TTLL5: variants seen among roughly 807,000 people sequenced by gnomAD.
TTLL5 encodes the protein tubulin polyglutamylase TTLL5.
In TTLL5, 132 loss-of-function variants were observed where a neutral mutation model predicts 168.4. That is an observed-to-expected ratio of 0.78 (90% CI 0.68 to 0.91). The LOEUF (loss-of-function observed/expected upper bound fraction) is 0.91. TTLL5 is among the 40% of genes least tolerant of loss of function. TTLL5 has a pLI of 0.00. For missense variants in TTLL5, 1,545 were observed against 1,581.5 expected (o/e 0.98, Z 0.39); for synonymous variants, 546 against 558.6 (o/e 0.98, Z 0.32).
At chr14:75,843,122 AGG>A (rs1256384355) in intron 28 of TTLL5, among the ~76,000 whole-genome samples, 1 of 152,194 alleles carries the variant, frequency 6.6e-6, no homozygotes, top group African/African-American at 2.4e-5. Context: ...GGAACTTGAA[AGG>A]AGTTGAGAAC....
chr14:75,927,863 C>T (rs1595286155), intron 31 of TTLL5, among the ~76,000 whole-genome samples: 1 of 152,168 alleles, frequency 6.6e-6, no homozygotes, highest in East Asian at 1.9e-4. Context: ...GCTTCAAATC[C>T]ACGAAAGAGC....
chr14:75,677,143 T>A (rs1260153264), intron 3 of TTLL5, among the ~76,000 whole-genome samples: 1 of 152,072 alleles, frequency 6.6e-6, no homozygotes, highest in Non-Finnish European at 1.5e-5. Flanking sequence ...ACTTTTATTA[T>A]TTTTTTACTA....
chr14:75,765,572 G>A (rs1434867313), intron 19 of TTLL5, among the ~76,000 whole-genome samples: 1 of 152,052 alleles, frequency 6.6e-6, no homozygotes, highest in African/African-American at 2.4e-5. Context: ...TTTAGAATAT[G>A]TAACATTAGG....
At chr14:75,773,402 T>A (rs184353355) in intron 21 of TTLL5, among the ~76,000 whole-genome samples, 26 of 152,292 alleles carry the variant, frequency 1.7e-4, no homozygotes, top group African/African-American at 5.8e-4. Context: ...GCTGTTTCAC[T>A]TATGCTGGAG....
intron 12 of TTLL5, 46 bp downstream of exon 12, chr14:75,720,749 G>A (rs767207086): frequency 1.3e-6 from 2 of 1,533,410 alleles, no homozygotes; most frequent in South Asian, 1.1e-5. Flanking sequence ...AGAGGATCTT[G>A]GGAAGTTGGA....
At position 75,720,486 on chromosome 14, in the gene TTLL5, CT is replaced by C. The variant is rs1887771471; in HGVS notation, c.935-104del. On this transcript the variant is annotated intron_variant, in intron 11 of 31. Coordinates refer to ENST00000298832, the MANE Select transcript of TTLL5 (RefSeq NM_015072.5). Reference sequence around the variant, plus strand: ...CATTCAGAAGTCTGCCATATAGAGGCTTTTTTGAATGAGCACACATGCTTTT... The same window carrying C: ...CATTCAGAAGTCTGCCATATAGAGGCTTTTTGAATGAGCACACATGCTTTT... 6.1e-5 allele frequency: 50 copies of C among 818,662 alleles called. 1 individual carries two copies. The South Asian group carries it at 7.6e-4, about 12-fold the overall frequency. 50.7% of individuals were successfully genotyped at this position (818,662 alleles called of 1,614,324 possible).
chr14:75,694,878 C>T (rs768045304), intron 6 of TTLL5, among the ~76,000 whole-genome samples: 8 of 152,074 alleles, frequency 5.3e-5, no homozygotes, highest in Non-Finnish European at 1.0e-4. Context: ...TCTCTTAATC[C>T]CGTCATCTTC....
intron 27 of TTLL5, among the ~76,000 whole-genome samples, chr14:75,795,642 CT>C (rs1251510473): frequency 6.6e-6 from 1 of 152,132 alleles, no homozygotes; most frequent in Non-Finnish European, 1.5e-5. Flanking sequence ...GTCCTCATAG[CT>C]TAGCTCCTAC....
chr14:75,759,978 T>A (rs1400050594), intron 18 of TTLL5, among the ~76,000 whole-genome samples: 1 of 152,108 alleles, frequency 6.6e-6, no homozygotes, highest in East Asian at 1.9e-4. Context: ...CTCATACCAC[T>A]TTTATTCACG....
At chr14:75,872,846 G>C (rs981319905) in intron 29 of TTLL5, among the ~76,000 whole-genome samples, 1 of 151,314 alleles carries the variant, frequency 6.6e-6, no homozygotes, top group Non-Finnish European at 1.5e-5. Flanking sequence ...AGGAGGCGGA[G>C]GTTGCAGTGA....
chr14:75,918,457 T>TA lies in TTLL5; in HGVS notation c.3823+16234dup, dbSNP rs562053893. On this transcript the variant is annotated intron_variant, in intron 31 of 31. Transcript: ENST00000298832. ...CAGCTTCTTGACTGCTATAAATAGA[T>TA]ACGTTGTTCCTTGACCCAAATTTGC... Among the ~76,000 whole-genome samples the TA allele has an allele frequency of 1.3e-3, 200 of 152,300 alleles. 5 individuals are homozygous for TA. In the South Asian group the frequency reaches 0.039, roughly 30 times the overall value.
At chr14:75,919,923 C>A (rs2033764874) in intron 31 of TTLL5, among the ~76,000 whole-genome samples, 4 of 151,988 alleles carry the variant, frequency 2.6e-5, no homozygotes, top group Admixed American at 2.0e-4. Flanking sequence ...GAGTTTGAGA[C>A]CAGCCTGGGC....
At chr14:75,698,655 C>T (rs1019801190) in intron 6 of TTLL5, among the ~76,000 whole-genome samples, 4 of 152,112 alleles carry the variant, frequency 2.6e-5, no homozygotes, top group African/African-American at 4.8e-5. Flanking sequence ...GTAATTCCGG[C>T]GCTTTGGGAG....
chr14:75,710,409 C>A (rs1053799709), intron 9 of TTLL5: 1 of 150,884 alleles, frequency 6.6e-6, no homozygotes, highest in African/African-American at 2.4e-5. Context: ...TACACACACA[C>A]ACACACACAC....
At chr14:75,864,200 AG>A (rs2139949607) in intron 29 of TTLL5, among the ~76,000 whole-genome samples, 1 of 152,296 alleles carries the variant, frequency 6.6e-6, no homozygotes, top group Non-Finnish European at 1.5e-5. Flanking sequence ...GATACCTGAA[AG>A]CTTGTATTTT....
At chr14:75,726,558 T>C (rs1414618590) in intron 12 of TTLL5, among the ~76,000 whole-genome samples, 2 of 152,110 alleles carry the variant, frequency 1.3e-5, no homozygotes, top group Non-Finnish European at 2.9e-5. Context: ...TTACAAGTAG[T>C]ATAAGTGACT....
intron 28 of TTLL5, among the ~76,000 whole-genome samples, chr14:75,831,120 A>C (rs1895536735): frequency 6.6e-6 from 1 of 152,234 alleles, no homozygotes. Flanking sequence ...ACAGCTCAGG[A>C]CTGGATAGTT....
chr14:75,737,813 T>C (rs1365952081), intron 15 of TTLL5, among the ~76,000 whole-genome samples: 1 of 152,194 alleles, frequency 6.6e-6, no homozygotes, highest in African/African-American at 2.4e-5. Context: ...TTAGGGATCC[T>C]CTTTTCCTGA....
At chr14:75,695,616 T>C (rs941931404) in intron 6 of TTLL5, among the ~76,000 whole-genome samples, 1 of 152,038 alleles carries the variant, frequency 6.6e-6, no homozygotes, top group African/African-American at 2.4e-5. Context: ...GCTTTAAAAT[T>C]TCTCTCTTTT....
Sources: allele counts gnomAD v4.1 joint callset (sites outside exome capture counted in the v4.1 genomes callset), GRCh38; gene constraint gnomAD v4.1.1; transcripts MANE v1.5; gene names NCBI Gene and HGNC (gene_info 2026-07-23, HGNC 2026-07-21).